The following VAT1L variants were observed in gnomAD, a reference collection of about 807,000 sequenced individuals.
VAT1L encodes the protein vesicle amine transport 1 like, also known as putative NADPH-dependent quinone oxidoreductase VAT1L.
VAT1L carries 34 observed loss-of-function variants against 44.1 expected under a neutral mutation model. That is an observed-to-expected ratio of 0.77 (90% CI 0.59 to 1.03). The LOEUF (loss-of-function observed/expected upper bound fraction) is 1.03, where lower values mean the gene tolerates loss of function less well. VAT1L is among the 50% of genes least tolerant of loss of function. The pLI, the probability that VAT1L is intolerant of heterozygous loss-of-function variation, is 0.00. For missense variants in VAT1L, 615 were observed against 538.8 expected, an observed-to-expected ratio of 1.14 and a Z score of -1.40; for synonymous variants, 253 against 202.2, an observed-to-expected ratio of 1.25 and a Z score of -2.13.
chr16:77,792,071 A>G (rs1049381845), intron 1 of VAT1L, among the ~76,000 whole-genome samples: 2 of 152,198 alleles, frequency 1.3e-5, no homozygotes, highest in Non-Finnish European at 2.9e-5. Flanking sequence ...AACTTCCCAT[A>G]CATTATCTGC....
At chr16:77,900,822 T>C (rs1327344439) in intron 7 of VAT1L, among the ~76,000 whole-genome samples, 1 of 152,046 alleles carries the variant, frequency 6.6e-6, no homozygotes, top group Admixed American at 6.6e-5. Flanking sequence ...ATCTTTTCCC[T>C]CTCTGACCAC....
intron 2 of VAT1L, among the ~76,000 whole-genome samples, chr16:77,817,255 G>T (rs2016372628): frequency 6.6e-6 from 1 of 152,136 alleles, no homozygotes; most frequent in Admixed American, 6.5e-5. Context: ...GCAGCATTCT[G>T]GTGCAGGGGG....
intron 4 of VAT1L, among the ~76,000 whole-genome samples, chr16:77,867,871 A>AAG (rs397955123): frequency 2.4e-4 from 36 of 150,976 alleles, no homozygotes; most frequent in African/African-American, 8.8e-4. Context: ...AAAAAAAAAA[A>AAG]GAAAGAAAGA....
rs557719878 is a variant in VAT1L, at chr16:77,790,613, A to G, written c.233+1698A>G. The stretch of plus-strand genomic sequence containing the variant: ...CTTCATCAAAAAAAATTACCTGTAT[A>G]CACACACCTATGCATATATGTGCAT... On this transcript the variant is annotated intron_variant, in intron 1 of 8. Coordinates refer to ENST00000302536, the MANE Select transcript of VAT1L (RefSeq NM_020927.3). Among the ~76,000 whole-genome samples the G allele has an allele frequency of 5.7e-4, 87 of 152,300 alleles. No individual in the cohort carries two copies. In the South Asian group the frequency reaches 0.012, roughly 21 times the overall value.
intron 4 of VAT1L, among the ~76,000 whole-genome samples, chr16:77,869,241 C>T (rs1165654660): frequency 6.6e-6 from 1 of 152,088 alleles, no homozygotes; most frequent in African/African-American, 2.4e-5. Context: ...ACGTCTTTTC[C>T]TTTTTGTTGT....
At chr16:77,833,023 C>G (rs1280402867) in intron 3 of VAT1L, among the ~76,000 whole-genome samples, 2 of 152,222 alleles carry the variant, frequency 1.3e-5, no homozygotes, top group Admixed American at 1.3e-4. Flanking sequence ...GCACCAGTAT[C>G]TACCCAGTTA....
At chr16:77,852,976 C>T (rs1350176137) in intron 3 of VAT1L, among the ~76,000 whole-genome samples, 2 of 152,196 alleles carry the variant, frequency 1.3e-5, no homozygotes, top group Non-Finnish European at 2.9e-5. Context: ...TGAGCCCTGC[C>T]AGGTACACAG....
At chr16:77,794,782 G>A (rs2015898534) in intron 1 of VAT1L, among the ~76,000 whole-genome samples, 2 of 152,154 alleles carry the variant, frequency 1.3e-5, no homozygotes, top group African/African-American at 2.4e-5. Context: ...GATTTGAGAG[G>A]AAAGGATGAC....
At chr16:77,831,982 AT>A (rs151275500) in intron 3 of VAT1L, among the ~76,000 whole-genome samples, 36 of 125,952 alleles carry the variant, frequency 2.9e-4, no homozygotes, top group South Asian at 5.3e-4. Flanking sequence ...TGCCCGGCTA[AT>A]TTTTTTTTTT....
intron 3 of VAT1L, among the ~76,000 whole-genome samples, chr16:77,836,886 A>ATATAAG (rs2016645045): frequency 6.6e-6 from 1 of 152,246 alleles, no homozygotes. Flanking sequence ...TTGAATAAAT[A>ATATAAG]TATAAGCTCA....
intron 8 of VAT1L, among the ~76,000 whole-genome samples, chr16:77,974,044 C>G (rs1450839123): frequency 6.6e-6 from 1 of 152,184 alleles, no homozygotes; most frequent in East Asian, 1.9e-4. Context: ...AAAGTATTTC[C>G]TTGACTTGTA....
At chr16:77,842,908 T>C (rs1371184418) in intron 3 of VAT1L, among the ~76,000 whole-genome samples, 2 of 152,248 alleles carry the variant, frequency 1.3e-5, no homozygotes, top group Non-Finnish European at 2.9e-5. Context: ...CGTTCCATTT[T>C]TGACAAGCAT....
intron 7 of VAT1L, among the ~76,000 whole-genome samples, chr16:77,968,894 G>C (rs390980): frequency 0.55 from 83,054 of 151,866 alleles, 23,108 homozygotes; most frequent in East Asian, 0.69. Flanking sequence ...TTTCAGCTCA[G>C]TGCAACCTCC....
intron 7 of VAT1L, among the ~76,000 whole-genome samples, chr16:77,938,982 A>G (rs1469619939): frequency 6.6e-6 from 1 of 151,998 alleles, no homozygotes; most frequent in African/African-American, 2.4e-5. Flanking sequence ...TCTTCTGTCT[A>G]CTCCAGGAAT....
chr16:77,938,572 TC>T (rs920115638), intron 7 of VAT1L, among the ~76,000 whole-genome samples: 61 of 152,086 alleles, frequency 4.0e-4, no homozygotes, highest in African/African-American at 1.4e-3. Flanking sequence ...GTGTGGCACT[TC>T]CCCCCTTATT....
chr16:77,838,095 TTTCC>T (rs1261788097), intron 3 of VAT1L, among the ~76,000 whole-genome samples: 1 of 152,200 alleles, frequency 6.6e-6, no homozygotes, highest in African/African-American at 2.4e-5. Flanking sequence ...CAAACATCGC[TTTCC>T]TTGACCACAT....
Position 77,880,260 on chromosome 16 carries a change from A to G in VAT1L, c.882+1036A>G, listed in dbSNP as rs528817200. Among the ~76,000 whole-genome samples, 49 of 152,034 alleles carry G rather than the reference A, an allele frequency of 3.2e-4. 1 individual carries two copies. The South Asian group carries it at 9.1e-3, about 28-fold the overall frequency. ...CAACCTCCACCTCCTGGGCTGTAGC[A>G]ACCCTCCTGCTTCAGCCTCCCAAGT... is the stretch of plus-strand genomic sequence containing the variant. On this transcript the variant is annotated intron_variant, in intron 6 of 8. Coordinates refer to ENST00000302536, the MANE Select transcript of VAT1L (RefSeq NM_020927.3).
chr16:77,811,176 G>C (rs952667814), intron 1 of VAT1L, among the ~76,000 whole-genome samples: 1 of 152,180 alleles, frequency 6.6e-6, no homozygotes, highest in African/African-American at 2.4e-5. Flanking sequence ...GAAAGAACAG[G>C]ATAGCAAGAG....
rs1472750884 is a variant in VAT1L at position 77,884,700 on chromosome 16, A to C, written c.975A>C (p.Gln325His). The C allele has an allele frequency of 1.9e-5, 31 of 1,612,000 alleles. No homozygotes were observed. Among genetic ancestry groups the C allele is most frequent in the Non-Finnish European group, 2.4e-5 (28 of 1,179,178 alleles). ...GFSLLNLLFK[Q>H]GRAGLIRGVV... Reference sequence around the variant, plus strand: ...CCCTTTTAAATCTGCTCTTCAAACAAGGCCGGGCGGGCCTCATTCGGGGAG... The same window carrying C: ...CCCTTTTAAATCTGCTCTTCAAACACGGCCGGGCGGGCCTCATTCGGGGAG... Residue 325 changes from glutamine (Q) to histidine (H), a missense_variant, in exon 7 of 9, where the codon CAA becomes CAC. By Grantham distance (24) the Gln-to-His change is conservative. Transcript: ENST00000302536. The surrounding 1 kb of genome is among the most constrained non-coding windows in gnomAD (Gnocchi z 4.5).
Sources: gnomAD v4.1 joint callset for allele counts (sites outside exome capture counted in the v4.1 genomes callset) on GRCh38, gnomAD v4.1.1 for gene constraint, Gnocchi (gnomAD v3.1) non-coding constraint, MANE v1.5 for transcripts, NCBI Gene and HGNC (gene_info 2026-07-23, HGNC 2026-07-21) for gene names.